Variants in AFG2A observed in about 807,000 individuals in gnomAD.
AFG2A encodes the protein ATPase family gene 2 protein homolog A.
chr4:123,242,868 T>C, the AFG2A span, among the ~76,000 whole-genome samples: 1 of 152,012 alleles, frequency 6.6e-6, no homozygotes, highest in South Asian at 2.1e-4. Context: ...AGGGCTAATA[T>C]CCAGAATCTA....
the AFG2A span, among the ~76,000 whole-genome samples, chr4:122,937,079 G>C: frequency 6.6e-6 from 1 of 152,168 alleles, no homozygotes; most frequent in African/African-American, 2.4e-5. Context: ...TGAGCTGGGA[G>C]ATCAAGGCTG....
chr4:123,169,180 C>A, the AFG2A span, among the ~76,000 whole-genome samples: 1 of 151,940 alleles, frequency 6.6e-6, no homozygotes, highest in African/African-American at 2.4e-5. Flanking sequence ...CTTGAATGAT[C>A]CTTTAAAAGG....
the AFG2A span, among the ~76,000 whole-genome samples, chr4:123,225,870 A>G: frequency 6.6e-6 from 1 of 152,092 alleles, no homozygotes; most frequent in Non-Finnish European, 1.5e-5. Context: ...ATTTGTTCGT[A>G]TCCTCTTTTA....
chr4:123,132,097 T>TC, the AFG2A span, among the ~76,000 whole-genome samples: 1 of 152,012 alleles, frequency 6.6e-6, no homozygotes, highest in African/African-American at 2.4e-5. Context: ...CTTGGCCTTT[T>TC]CCCCCCCAGA....
At chr4:123,118,004 C>A in the AFG2A span, among the ~76,000 whole-genome samples, 1 of 151,928 alleles carries the variant, frequency 6.6e-6, no homozygotes, top group African/African-American at 2.4e-5. Flanking sequence ...TAAATTGTTT[C>A]ACTTATAAAT....
chr4:122,982,244 T>G, the AFG2A span, among the ~76,000 whole-genome samples: 1 of 152,208 alleles, frequency 6.6e-6, no homozygotes, highest in East Asian at 1.9e-4. Flanking sequence ...TCTGTATCTA[T>G]TGATATGATT....
chr4:123,086,790 G>A, the AFG2A span, among the ~76,000 whole-genome samples: 4 of 152,022 alleles, frequency 2.6e-5, no homozygotes, highest in Non-Finnish European at 5.9e-5. Context: ...ATATCCGTAA[G>A]TGCAGAGATT....
chr4:123,100,992 T>C, the AFG2A span, among the ~76,000 whole-genome samples: 1 of 152,092 alleles, frequency 6.6e-6, no homozygotes, highest in Middle Eastern at 3.4e-3. Context: ...TTATTCTTAC[T>C]AAATTCATCT....
chr4:123,057,477 A>G, the AFG2A span, among the ~76,000 whole-genome samples: 1 of 152,188 alleles, frequency 6.6e-6, no homozygotes, highest in Non-Finnish European at 1.5e-5. Context: ...ACTGTATAGT[A>G]CTTTTATCTA....
At chr4:122,961,851 T>C in the AFG2A span, among the ~76,000 whole-genome samples, 1 of 152,218 alleles carries the variant, frequency 6.6e-6, no homozygotes, top group Non-Finnish European at 1.5e-5. Context: ...GTGAGTTCGC[T>C]GTAGGCGTGT....
the AFG2A span, among the ~76,000 whole-genome samples, chr4:123,116,387 G>A: frequency 6.6e-6 from 1 of 152,174 alleles, no homozygotes; most frequent in Admixed American, 6.5e-5. Context: ...ATGATTGCTA[G>A]TAATGAGAAT....
At chr4:122,934,640 T>A in the AFG2A span, 29 of 1,613,768 alleles carry the variant, frequency 1.8e-5, no homozygotes, top group Non-Finnish European at 2.2e-5. Context: ...CAATTCAAAG[T>A]AACTTATGAC....
chr4:123,089,197 T>C, the AFG2A span, among the ~76,000 whole-genome samples: 1 of 152,336 alleles, frequency 6.6e-6, no homozygotes, highest in East Asian at 1.9e-4. Context: ...TTTGAACTTA[T>C]AAGTCTAAAT....
At chr4:123,223,583 A>G in the AFG2A span, among the ~76,000 whole-genome samples, 1 of 152,168 alleles carries the variant, frequency 6.6e-6, no homozygotes, top group Admixed American at 6.6e-5. Flanking sequence ...AGAGGAAGAG[A>G]GAGGCAGAAG....
At chr4:123,104,570 G>C in the AFG2A span, among the ~76,000 whole-genome samples, 1 of 152,156 alleles carries the variant, frequency 6.6e-6, no homozygotes, top group Non-Finnish European at 1.5e-5. Flanking sequence ...CCAAAAGCTA[G>C]GCCTCTTTCA....
chr4:123,184,464 T>A, the AFG2A span, among the ~76,000 whole-genome samples: 3 of 152,062 alleles, frequency 2.0e-5, no homozygotes, highest in Non-Finnish European at 2.9e-5. Flanking sequence ...TTGGAATTGT[T>A]CTATGATATT....
chr4:123,228,608 C>G, the AFG2A span, among the ~76,000 whole-genome samples: 1 of 151,892 alleles, frequency 6.6e-6, no homozygotes, highest in African/African-American at 2.4e-5. Context: ...AGAAATTATG[C>G]TGATTATTTT....
At chr4:122,957,242 A>C in the AFG2A span, among the ~76,000 whole-genome samples, 11 of 152,230 alleles carry the variant, frequency 7.2e-5, no homozygotes, top group Non-Finnish European at 1.5e-4. Flanking sequence ...ATCTGTGTGA[A>C]TGACTTACAC....
At chr4:123,202,349 T>TA in the AFG2A span, among the ~76,000 whole-genome samples, 1 of 152,202 alleles carries the variant, frequency 6.6e-6, no homozygotes, top group African/African-American at 2.4e-5. Flanking sequence ...TTATGCAATG[T>TA]ATATAAACAT....
Sources: allele counts gnomAD v4.1 joint callset (sites outside exome capture counted in the v4.1 genomes callset), GRCh38; gene constraint gnomAD v4.1.1; transcripts MANE v1.5; gene names NCBI Gene and HGNC (gene_info 2026-07-23, HGNC 2026-07-21).